Variants in MARCHF2 observed in about 807,000 individuals in gnomAD.
The protein encoded by MARCHF2 is membrane associated ring-CH-type finger 2, also known as E3 ubiquitin-protein ligase MARCHF2.
Under a neutral mutation model 24.0 loss-of-function variants are expected in MARCHF2, and 22 were observed. That is an observed-to-expected ratio of 0.92 (90% CI 0.66 to 1.31). MARCHF2 has a LOEUF of 1.31. MARCHF2 is among the 50% of genes most tolerant of loss of function. The pLI is 0.00. For synonymous variants in MARCHF2, 154 were observed against 153.0 expected, an observed-to-expected ratio of 1.01 and a Z score of -0.05; for missense variants, 301 against 335.3, an observed-to-expected ratio of 0.90 and a Z score of 0.80.
chr19:8,424,895 G>T (rs937194740), intron 2 of MARCHF2, among the ~76,000 whole-genome samples: 2 of 152,098 alleles, frequency 1.3e-5, no homozygotes, highest in African/African-American at 4.8e-5. Flanking sequence ...ATGAGCAGGG[G>T]TGCGTGCTGT....
intron 1 of MARCHF2, among the ~76,000 whole-genome samples, chr19:8,414,316 C>T (rs2145525757): frequency 6.6e-6 from 1 of 151,940 alleles, no homozygotes; most frequent in Admixed American, 6.6e-5. Context: ...CTTGCCCAGG[C>T]TGGAATGCAG....
chr19:8,428,140 G>A (rs1005048237), intron 3 of MARCHF2, among the ~76,000 whole-genome samples: 2 of 152,126 alleles, frequency 1.3e-5, no homozygotes, highest in East Asian at 1.9e-4. Context: ...GGTGCCTATA[G>A]TCCCAGCTAC....
intron 4 of MARCHF2, among the ~76,000 whole-genome samples, chr19:8,436,139 A>ATT (rs902215657): frequency 7.0e-6 from 1 of 143,370 alleles, no homozygotes; most frequent in Non-Finnish European, 1.5e-5. Context: ...TGTATTCACT[A>ATT]TTTTTTTTTT....
chr19:8,436,989 ATT>A (rs34972879), intron 4 of MARCHF2, among the ~76,000 whole-genome samples: 144 of 134,530 alleles, frequency 1.1e-3, no homozygotes, highest in Admixed American at 1.2e-3. Context: ...TGCGCCCAGC[ATT>A]TTTTTTTTTT....
In MARCHF2 at chr19:8,430,654, G is replaced by A. The variant is rs746164940; in HGVS notation, c.373-4G>A. On this transcript the variant is annotated splice_polypyrimidine_tract_variant and splice_region_variant and intron_variant, in intron 3 of 4. Transcript: ENST00000215555. The surrounding 1 kb of genome is among the most constrained non-coding windows in gnomAD (Gnocchi z 4.4). ...TCCTCTGCCCCCTATCCTCTCCCCT[G>A]CAGTGGCTGAAGGACCCGGGGCCGC... 6.2e-6 allele frequency: 10 copies of A among 1,605,754 alleles called. No individual in the cohort carries two copies. The Admixed American group carries it at 1.0e-4, about 16-fold the overall frequency.
At chr19:8,435,470 A>T (rs1241305952) in intron 4 of MARCHF2, among the ~76,000 whole-genome samples, 1 of 152,112 alleles carries the variant, frequency 6.6e-6, no homozygotes, top group African/African-American at 2.4e-5. Flanking sequence ...TTACCCAAGC[A>T]GTGCATTTGT....
chr19:8,438,513 C>T lies in MARCHF2; in HGVS notation c.708C>T (p.Leu236=), dbSNP rs149824964. The T allele has an allele frequency of 1.7e-5, 28 of 1,614,086 alleles. No individual in the cohort carries two copies. Among genetic ancestry groups the T allele is most frequent in the Admixed American group, 3.3e-5 (2 of 59,986 alleles). The change falls in exon 5 of 5, where the codon CTC becomes CTT. Residue 236 remains leucine, a synonymous_variant. Coordinates refer to ENST00000215555, the MANE Select transcript of MARCHF2 (RefSeq NM_001005415.2). ...AGCATTCTCCACTGGCAGCTGGACTCCTGAAGAAGGTGGCAGAGGAGACAC... is the reference window on the plus strand; with the variant it reads ...AGCATTCTCCACTGGCAGCTGGACTTCTGAAGAAGGTGGCAGAGGAGACAC... ...GPQHSPLAAG[L]LKKVAEETPV is the part of the protein sequence containing the mutation.
intron 3 of MARCHF2, among the ~76,000 whole-genome samples, chr19:8,428,643 C>CT (rs1967481356): frequency 1.5e-5 from 1 of 67,822 alleles, no homozygotes; most frequent in Non-Finnish European, 2.6e-5. Context: ...GATTGAGACT[C>CT]TATCTCAAAA....
chr19:8,430,129 C>T lies in MARCHF2; in HGVS notation c.373-529C>T, dbSNP rs539511064. Among the ~76,000 whole-genome samples the T allele has an allele frequency of 2.0e-5, 3 of 151,986 alleles. No homozygotes were observed. The highest frequency in any genetic ancestry group is 1.9e-4 in the East Asian group (1 of 5,168). On this transcript the variant is annotated intron_variant, in intron 3 of 4. Coordinates refer to ENST00000215555, the MANE Select transcript of MARCHF2 (RefSeq NM_001005415.2). The surrounding 1 kb of genome is among the most constrained non-coding windows in gnomAD (Gnocchi z 4.4). ...CTGTAATCCCAGAACTTTGGAAGGCCGAGGTGGGCAGATCACTTAAGGTCA... is the reference window on the plus strand; with the variant it reads ...CTGTAATCCCAGAACTTTGGAAGGCTGAGGTGGGCAGATCACTTAAGGTCA...
chr19:8,431,136 GGGCAGAGAGGA>G (rs1251013006), intron 4 of MARCHF2, among the ~76,000 whole-genome samples: 2 of 152,132 alleles, frequency 1.3e-5, no homozygotes, highest in African/African-American at 4.8e-5. Flanking sequence ...ATTAGGAGTG[GGGCAGAGAGGA>G]GCAAAAGCCT....
chr19:8,421,759 C>T, intron 1 of MARCHF2, 30 bp from the exon 2 acceptor site: 2 of 1,339,026 alleles, frequency 1.5e-6, no homozygotes, highest in South Asian at 2.9e-5. Context: ...ATTAACCTTG[C>T]CCCTAACCTC....
intron 1 of MARCHF2, chr19:8,418,626 G>A (rs1415862093): frequency 2.6e-5 from 4 of 152,266 alleles, no homozygotes; most frequent in Non-Finnish European, 5.9e-5. Flanking sequence ...CTGGGCTCAA[G>A]AGGTTGAGGC....
intron 3 of MARCHF2, among the ~76,000 whole-genome samples, chr19:8,427,437 C>T (rs533713694): frequency 6.0e-5 from 9 of 150,986 alleles, no homozygotes; most frequent in East Asian, 2.0e-4. Context: ...CAACAAGACA[C>T]GTAGGGCTGG....
At chr19:8,435,540 TTTTG>T (rs1001940417) in intron 4 of MARCHF2, among the ~76,000 whole-genome samples, 126 of 152,108 alleles carry the variant, frequency 8.3e-4, no homozygotes, top group African/African-American at 2.9e-3. Context: ...GATTCACTTC[TTTTG>T]TTTGTTTGTT....
chr19:8,438,299 T>C (rs1478404145), intron 4 of MARCHF2, 89 bp from the exon 5 acceptor site: 2 of 1,350,896 alleles, frequency 1.5e-6, no homozygotes, highest in Non-Finnish European at 2.1e-6. Flanking sequence ...GCCCCAGCCA[T>C]GGTTTGGGCC....
intron 4 of MARCHF2, among the ~76,000 whole-genome samples, chr19:8,431,522 AAAAAAG>A (rs1389175735): frequency 3.0e-5 from 4 of 134,992 alleles, no homozygotes; most frequent in Non-Finnish European, 4.8e-5. Context: ...AAAAAAAAGG[AAAAAAG>A]AAAAAAGAAA....
intron 4 of MARCHF2, among the ~76,000 whole-genome samples, chr19:8,434,348 T>C (rs1005149566): frequency 6.6e-6 from 1 of 152,002 alleles, no homozygotes; most frequent in Admixed American, 6.6e-5. Context: ...CCTTCCAAAG[T>C]GCTGAGATTA....
In MARCHF2 at chr19:8,415,731, AAAAC is replaced by A. The variant is rs1395377890; in HGVS notation, c.-53+2315_-53+2318del. On this transcript the variant is annotated intron_variant, in intron 1 of 4. Transcript: ENST00000215555. ...AGTGAAACTCCATCTCAAAAAAAAAAAAACAAAAAAAACAAAAAAAAAAACCAGA... is the reference window on the plus strand; with the variant it reads ...AGTGAAACTCCATCTCAAAAAAAAAAAAAAAAAACAAAAAAAAAAACCAGA... 4.9e-5 allele frequency among the ~76,000 whole-genome samples: 4 copies of A among 81,790 alleles called. 1 individual carries two copies. Among genetic ancestry groups the A allele is most frequent in the African/African-American group, 1.3e-4 (3 of 23,760 alleles). 53.7% of individuals were successfully genotyped at this position (81,790 alleles called of 152,430 possible). A position where few individuals can be genotyped will look rare whatever the true frequency, so the allele number is the denominator to read the frequency against.
intron 2 of MARCHF2, chr19:8,423,729 G>T (rs913606111): frequency 2.0e-5 from 3 of 152,070 alleles, no homozygotes; most frequent in African/African-American, 7.2e-5. Context: ...GGCAGGCGTG[G>T]TCGCTCATGC....
Sources: gnomAD v4.1 joint callset for allele counts (sites outside exome capture counted in the v4.1 genomes callset) on GRCh38, gnomAD v4.1.1 for gene constraint, Gnocchi (gnomAD v3.1) non-coding constraint, MANE v1.5 for transcripts, NCBI Gene and HGNC (gene_info 2026-07-23, HGNC 2026-07-21) for gene names.